AKR1B15: variants seen among roughly 807,000 people sequenced by gnomAD.
AKR1B15 encodes estradiol 17-beta-dehydrogenase AKR1B15.
A neutral mutation model predicts 38.5 loss-of-function variants in AKR1B15; 49 were observed. The observed-to-expected ratio is 1.27, with a 90% CI of 1.01 to 1.62. AKR1B15 has a LOEUF of 1.62. Ranked by LOEUF, AKR1B15 falls within the 40% of genes most tolerant of loss-of-function variation. AKR1B15 has a pLI of 0.00. For synonymous variants in AKR1B15, 137 were observed against 135.5 expected (o/e 1.01, Z -0.08); for missense variants, 411 against 381.6 (o/e 1.08, Z -0.64).
intron 1 of AKR1B15, among the ~76,000 whole-genome samples, chr7:134,553,228 T>C (rs990739752): frequency 5.3e-5 from 8 of 152,154 alleles, no homozygotes; most frequent in Non-Finnish European, 8.8e-5. Context: ...TTGGGGTTCA[T>C]GGAAATTGCC....
chr7:134,554,645 G>A (rs994805200), intron 1 of AKR1B15, among the ~76,000 whole-genome samples: 1 of 152,164 alleles, frequency 6.6e-6, no homozygotes, highest in African/African-American at 2.4e-5. Flanking sequence ...CTTGCCAGGA[G>A]GAAGGTGGGA....
intron 5 of AKR1B15, among the ~76,000 whole-genome samples, chr7:134,571,400 A>C (rs1794664108): frequency 6.6e-6 from 1 of 152,224 alleles, no homozygotes; most frequent in Non-Finnish European, 1.5e-5. Context: ...TCAATCCAGT[A>C]GTTTCTAAAA....
At chr7:134,549,480 G>A (rs1177901199) in intron 1 of AKR1B15, among the ~76,000 whole-genome samples, 1 of 152,172 alleles carries the variant, frequency 6.6e-6, no homozygotes, top group Non-Finnish European at 1.5e-5. Flanking sequence ...CTCTGAGTGA[G>A]TGAGTGAGTG....
intron 1 of AKR1B15, among the ~76,000 whole-genome samples, chr7:134,551,965 G>A (rs1027681685): frequency 5.9e-5 from 9 of 152,170 alleles, no homozygotes. Flanking sequence ...ACCACAGTGG[G>A]GGGCCAGCCT....
intron 5 of AKR1B15, chr7:134,570,198 G>A (rs1404216917): frequency 6.6e-6 from 1 of 152,166 alleles, no homozygotes; most frequent in Non-Finnish European, 1.5e-5. Flanking sequence ...GTGCTCCCAG[G>A]CTTATTAGGA....
At position 134,562,848 on chromosome 7, in the gene AKR1B15, TTC is replaced by T. The variant is rs1249608878; in HGVS notation, c.-22-1748_-22-1747del. On this transcript the variant is annotated intron_variant, in intron 2 of 11. Coordinates refer to ENST00000457545, the MANE Select transcript of AKR1B15 (RefSeq NM_001080538.3). ...CCTTCCTTTCTCTTTCTTTCTTTCT[TTC>T]TTTCTTTCTTTCTTTCTTTCTTTCT... Among the ~76,000 whole-genome samples, 5 of 94,170 alleles carry T rather than the reference TTC, an allele frequency of 5.3e-5. No homozygotes were observed. The South Asian group carries it at 1.2e-3, about 23-fold the overall frequency. 61.8% of individuals were successfully genotyped at this position (94,170 alleles called of 152,430 possible).
At chr7:134,563,058 T>C (rs1323733580) in intron 2 of AKR1B15, among the ~76,000 whole-genome samples, 4 of 151,828 alleles carry the variant, frequency 2.6e-5, no homozygotes, top group Non-Finnish European at 5.9e-5. Context: ...ACTTTCCAAC[T>C]TTGGGCTGTG....
At chr7:134,577,457 C>T (rs567590161) in intron 10 of AKR1B15, among the ~76,000 whole-genome samples, 3 of 152,192 alleles carry the variant, frequency 2.0e-5, no homozygotes, top group East Asian at 1.9e-4. Context: ...GGCCTGTGCA[C>T]GCCTGGGGTT....
intron 2 of AKR1B15, among the ~76,000 whole-genome samples, chr7:134,558,792 G>T (rs1794290960): frequency 1.3e-5 from 2 of 152,094 alleles, no homozygotes; most frequent in African/African-American, 4.8e-5. Context: ...TTATATACTT[G>T]GTCTAGGCTC....
At chr7:134,566,152 T>C (rs1293985631) in intron 3 of AKR1B15, among the ~76,000 whole-genome samples, 1 of 152,150 alleles carries the variant, frequency 6.6e-6, no homozygotes, top group Non-Finnish European at 1.5e-5. Context: ...AAATTAGCTG[T>C]GCATGGTGGC....
At position 134,579,793 on chromosome 7, in the gene AKR1B15, T is replaced by C. The variant is rs190368833; in HGVS notation, c.*244T>C. 1.3e-4 allele frequency: 51 copies of C among 407,650 alleles called. No homozygotes were observed. Among genetic ancestry groups the C allele is most frequent in the African/African-American group, 1.0e-3 (50 of 48,494 alleles). 25.3% of individuals were successfully genotyped at this position (407,650 alleles called of 1,614,324 possible). A position where few individuals can be genotyped will look rare whatever the true frequency, so the allele number is the denominator to read the frequency against. On this transcript the variant is annotated 3_prime_UTR_variant, in exon 12 of 12. Transcript: ENST00000457545. The stretch of plus-strand genomic sequence containing the variant: ...AATTTTTTCCACTTATCTGATCTGA[T>C]CAAATGTCTGTTAAGCACCAGAAAC...
intron 1 of AKR1B15, among the ~76,000 whole-genome samples, chr7:134,550,234 T>C (rs1793918434): frequency 6.6e-6 from 1 of 152,140 alleles, no homozygotes; most frequent in Admixed American, 6.5e-5. Context: ...TGGACTCTTA[T>C]TTTACCTCTT....
chr7:134,550,002 C>T (rs1442007117), intron 1 of AKR1B15, among the ~76,000 whole-genome samples: 2 of 152,042 alleles, frequency 1.3e-5, no homozygotes, highest in Non-Finnish European at 2.9e-5. Context: ...GGAAGACATT[C>T]ACCCGTTTAG....
At chr7:134,572,058 A>G (rs567320415) in intron 6 of AKR1B15, among the ~76,000 whole-genome samples, 3 of 152,292 alleles carry the variant, frequency 2.0e-5, no homozygotes, top group African/African-American at 4.8e-5. Context: ...TTAAAGAAAA[A>G]AGGTCTTATA....
At chr7:134,549,620 G>A (rs888428632) in intron 1 of AKR1B15, among the ~76,000 whole-genome samples, 3 of 152,096 alleles carry the variant, frequency 2.0e-5, no homozygotes, top group Non-Finnish European at 4.4e-5. Context: ...GCGGCATCAG[G>A]CATAGCTCGA....
chr7:134,563,835 C>T (rs1332177842), intron 2 of AKR1B15, among the ~76,000 whole-genome samples: 1 of 152,150 alleles, frequency 6.6e-6, no homozygotes, highest in Non-Finnish European at 1.5e-5. Context: ...AGTTTGCTCC[C>T]AACACCCGTT....
chr7:134,553,972 C>A (rs569361297), intron 1 of AKR1B15, among the ~76,000 whole-genome samples: 2 of 152,318 alleles, frequency 1.3e-5, no homozygotes, highest in South Asian at 2.1e-4. Context: ...GAGTTGGTAA[C>A]CCTGACTCAG....
chr7:134,577,798 G>A lies in AKR1B15; in HGVS notation c.992+12G>A, dbSNP rs1200177041. 2.5e-6 allele frequency: 4 copies of A among 1,613,214 alleles called. No homozygotes were observed. In the African/African-American group the frequency reaches 5.3e-5, roughly 22 times the overall value. On this transcript the variant is annotated intron_variant, in intron 11 of 11. Transcript: ENST00000457545. ...TTTGACTTCAAGGAGTAAGTGGCAT[G>A]GAGTTAACTAGAAGAATTGCCAGGA...
At chr7:134,562,355 G>A (rs966075232) in intron 2 of AKR1B15, among the ~76,000 whole-genome samples, 2 of 152,188 alleles carry the variant, frequency 1.3e-5, no homozygotes, top group Non-Finnish European at 2.9e-5. Context: ...GGGGGCTGGG[G>A]TGACCAGCTT....
Sources: gnomAD v4.1 joint callset for allele counts (sites outside exome capture counted in the v4.1 genomes callset) on GRCh38, gnomAD v4.1.1 for gene constraint, MANE v1.5 for transcripts, NCBI Gene and HGNC (gene_info 2026-07-23, HGNC 2026-07-21) for gene names.